The following BMPER variants were observed in gnomAD, a reference collection of about 807,000 sequenced individuals.
BMPER encodes the protein BMP-binding endothelial regulator protein.
In BMPER, 45 loss-of-function variants were observed where a neutral mutation model predicts 87.3. That is an observed-to-expected ratio of 0.52 (90% CI 0.41 to 0.66). The LOEUF is 0.66. Among genes scored for constraint, BMPER ranks in the 30% least tolerant of loss-of-function variants. The pLI, the probability that BMPER is intolerant of heterozygous loss-of-function variation, is 0.00. For missense variants in BMPER, 784 were observed against 867.5 expected (o/e 0.90, Z 1.21); for synonymous variants, 326 against 316.2 (o/e 1.03, Z -0.33).
chr7:33,905,419 G>GCCCCC, upstream of BMPER: 17 of 110,380 alleles, frequency 1.5e-4, no homozygotes, highest in South Asian at 5.5e-4. Flanking sequence ...CTCCCCGGGC[G>GCCCCC]CCCCCACACC....
intron 11 of BMPER, among the ~76,000 whole-genome samples, chr7:34,076,891 TC>T (rs1788878733): frequency 6.6e-6 from 1 of 152,072 alleles, no homozygotes; most frequent in Non-Finnish European, 1.5e-5. Flanking sequence ...CCTTGGCCTT[TC>T]CAAGCTGAGG....
chr7:33,983,898 A>C (rs1183696447), intron 6 of BMPER, among the ~76,000 whole-genome samples: 1 of 152,228 alleles, frequency 6.6e-6, no homozygotes, highest in Non-Finnish European at 1.5e-5. Context: ...GACACAATAA[A>C]AGAATAAATT....
intron 7 of BMPER, among the ~76,000 whole-genome samples, chr7:34,049,070 T>C (rs1788070382): frequency 1.3e-5 from 2 of 152,194 alleles, no homozygotes; most frequent in South Asian, 4.1e-4. Context: ...AATTTTCCCT[T>C]GGGCAGGGTT....
At chr7:33,990,248 G>A (rs978274209) in intron 6 of BMPER, among the ~76,000 whole-genome samples, 1 of 138,106 alleles carries the variant, frequency 7.2e-6, no homozygotes. Flanking sequence ...CTTCCCATGA[G>A]CATGGAATGT....
chr7:33,982,676 C>T (rs1191408745), intron 6 of BMPER, among the ~76,000 whole-genome samples: 1 of 152,070 alleles, frequency 6.6e-6, no homozygotes, highest in Admixed American at 6.6e-5. Flanking sequence ...TACCTGTCAG[C>T]CAAGGCTTCT....
At chr7:33,993,421 G>T (rs2127928551) in intron 6 of BMPER, among the ~76,000 whole-genome samples, 1 of 152,188 alleles carries the variant, frequency 6.6e-6, no homozygotes, top group Admixed American at 6.5e-5. Context: ...GGCTCCTGAG[G>T]CTTCTGCATT....
intron 9 of BMPER, among the ~76,000 whole-genome samples, chr7:34,057,831 AACAC>A (rs113240345): frequency 1.3e-4 from 19 of 148,944 alleles, no homozygotes; most frequent in South Asian, 2.2e-4. Flanking sequence ...CAGGAGGGGG[AACAC>A]ACACACACAC....
At chr7:33,968,906 G>T (rs1039591823) in intron 4 of BMPER, among the ~76,000 whole-genome samples, 1 of 152,172 alleles carries the variant, frequency 6.6e-6, no homozygotes, top group Non-Finnish European at 1.5e-5. Flanking sequence ...CCTCCATCTG[G>T]ATTGCAGATA....
intron 14 of BMPER, among the ~76,000 whole-genome samples, chr7:34,143,673 G>A (rs993320443): frequency 6.6e-6 from 1 of 152,156 alleles, no homozygotes; most frequent in Non-Finnish European, 1.5e-5. Flanking sequence ...TATAGCTGTG[G>A]CTTAGGTTAT....
intron 13 of BMPER, among the ~76,000 whole-genome samples, chr7:34,109,613 G>A (rs1270184528): frequency 6.6e-6 from 1 of 152,204 alleles, no homozygotes; most frequent in Admixed American, 6.5e-5. Flanking sequence ...ATAGTAAAAA[G>A]AGGTTAGCTC....
chr7:33,920,416 TTG>T (rs1489850417), intron 2 of BMPER, among the ~76,000 whole-genome samples: 2,122 of 124,408 alleles, frequency 0.017, 309 homozygotes, highest in Middle Eastern at 0.048. Flanking sequence ...GGAAACTCCG[TTG>T]TGTTTTTTTT....
chr7:34,012,619 G>A (rs1483447540), intron 6 of BMPER, among the ~76,000 whole-genome samples: 1 of 151,686 alleles, frequency 6.6e-6, no homozygotes, highest in Non-Finnish European at 1.5e-5. Flanking sequence ...AGATGGAGAG[G>A]TATACACCAT....
chr7:34,032,572 G>A (rs560371319), intron 6 of BMPER, among the ~76,000 whole-genome samples: 10 of 152,208 alleles, frequency 6.6e-5, no homozygotes, highest in South Asian at 2.1e-4. Context: ...ACACAGATTC[G>A]TAGCTTTTTG....
At chr7:33,946,540 T>A (rs573673265) in intron 3 of BMPER, among the ~76,000 whole-genome samples, 4 of 152,230 alleles carry the variant, frequency 2.6e-5, no homozygotes, top group Non-Finnish European at 5.9e-5. Context: ...TGCCTGCCAC[T>A]CAAAATCACC....
chr7:33,981,302 T>C (rs1399316034), intron 6 of BMPER, among the ~76,000 whole-genome samples: 1 of 152,190 alleles, frequency 6.6e-6, no homozygotes, highest in Non-Finnish European at 1.5e-5. Flanking sequence ...ACTGGTCTTA[T>C]ATCTCATGGC....
chr7:34,128,846 T>C lies in BMPER; in HGVS notation c.1746-14384T>C, dbSNP rs74881989. ...TTCCTAAAAAGCTACCGAGCTCCTA[T>C]CACAGACATGATGCAGATGTACGAC... On this transcript the variant is annotated intron_variant, in intron 13 of 14. Transcript: ENST00000649409. Among the ~76,000 whole-genome samples, 903 of 152,226 alleles carry C rather than the reference T, an allele frequency of 5.9e-3. 22 individuals are homozygous for C. The East Asian group carries it at 0.087, about 15-fold the overall frequency.
chr7:33,962,752 C>T (rs1785301935), intron 3 of BMPER, among the ~76,000 whole-genome samples: 1 of 151,930 alleles, frequency 6.6e-6, no homozygotes, highest in South Asian at 2.1e-4. Context: ...TGCTTTTTGT[C>T]ACTAGAAGAA....
intron 13 of BMPER, among the ~76,000 whole-genome samples, chr7:34,133,187 A>G (rs376680139): frequency 6.6e-5 from 10 of 152,062 alleles, no homozygotes; most frequent in African/African-American, 2.4e-4. Flanking sequence ...CTCCATTGCT[A>G]GAGGAACCAA....
chr7:34,091,470 A>T (rs1348380344), intron 13 of BMPER, among the ~76,000 whole-genome samples: 2 of 152,208 alleles, frequency 1.3e-5, no homozygotes, highest in Non-Finnish European at 2.9e-5. Flanking sequence ...AGCCGACTCA[A>T]CTGTTAGGTC....
Sources: gnomAD v4.1 joint callset for allele counts (sites outside exome capture counted in the v4.1 genomes callset) on GRCh38, gnomAD v4.1.1 for gene constraint, MANE v1.5 for transcripts, NCBI Gene and HGNC (gene_info 2026-07-23, HGNC 2026-07-21) for gene names.